Variants in APBB1IP observed in about 807,000 individuals in gnomAD.
The protein encoded by APBB1IP is amyloid beta A4 precursor protein-binding family B member 1-interacting protein.
APBB1IP carries 27 observed loss-of-function variants against 64.9 expected under a neutral mutation model. That is an observed-to-expected ratio of 0.42 (90% confidence interval 0.31 to 0.57). APBB1IP has a LOEUF of 0.57. Among genes scored for constraint, APBB1IP ranks in the 20% least tolerant of loss-of-function variants. The pLI is 0.20. For missense variants in APBB1IP, 812 were observed against 845.5 expected (o/e 0.96, Z 0.49); for synonymous variants, 392 against 331.0 (o/e 1.18, Z -2.00).
At chr10:26,532,832 T>C (rs1027091381) in intron 8 of APBB1IP, among the ~76,000 whole-genome samples, 27 of 152,168 alleles carry the variant, frequency 1.8e-4, no homozygotes, top group Non-Finnish European at 4.0e-4. Flanking sequence ...TTTAGGCTGG[T>C]TTTCTTTCCA....
At chr10:26,523,445 G>A (rs745691682) in intron 8 of APBB1IP, among the ~76,000 whole-genome samples, 2 of 152,142 alleles carry the variant, frequency 1.3e-5, no homozygotes, top group Non-Finnish European at 2.9e-5. Flanking sequence ...CTTTTGTTTA[G>A]GGCCTTTGAG....
At chr10:26,517,781 T>C (rs767837069) in intron 8 of APBB1IP, among the ~76,000 whole-genome samples, 2 of 152,236 alleles carry the variant, frequency 1.3e-5, no homozygotes, top group Non-Finnish European at 2.9e-5. Flanking sequence ...ATCCATTGTC[T>C]TGCTGATGGA....
At chr10:26,506,163 C>T (rs1836173343) in intron 6 of APBB1IP, among the ~76,000 whole-genome samples, 2 of 150,242 alleles carry the variant, frequency 1.3e-5, no homozygotes, top group African/African-American at 4.9e-5. Flanking sequence ...CCTTTCCTAT[C>T]TAACACCACA....
chr10:26,559,768 G>A (rs578251733), intron 11 of APBB1IP, among the ~76,000 whole-genome samples: 26 of 151,664 alleles, frequency 1.7e-4, no homozygotes, highest in African/African-American at 2.9e-4. Flanking sequence ...ACAGGCACCC[G>A]CCACCATGCC....
At chr10:26,458,427 A>AAGGGAGGGAGGGATGG (rs1835552722) in intron 2 of APBB1IP, among the ~76,000 whole-genome samples, 8 of 151,054 alleles carry the variant, frequency 5.3e-5, no homozygotes, top group Admixed American at 1.3e-4. Context: ...GGAAGGAAGG[A>AAGGGAGGGAGGGATGG]AGGGAGGGAG....
chr10:26,457,408 A>G (rs867976612), intron 2 of APBB1IP, among the ~76,000 whole-genome samples: 2 of 152,314 alleles, frequency 1.3e-5, no homozygotes, highest in Middle Eastern at 3.4e-3. Context: ...CCAAAGTGCC[A>G]GGATTACAGG....
intron 2 of APBB1IP, among the ~76,000 whole-genome samples, chr10:26,474,095 T>C (rs1835749873): frequency 1.3e-5 from 2 of 151,810 alleles, no homozygotes; most frequent in African/African-American, 2.4e-5. Flanking sequence ...TTTAATGTTC[T>C]CCAGCAATTT....
At chr10:26,509,405 T>C (rs1290370841) in intron 6 of APBB1IP, among the ~76,000 whole-genome samples, 1 of 152,148 alleles carries the variant, frequency 6.6e-6, no homozygotes, top group Non-Finnish European at 1.5e-5. Context: ...CTTGGGGGTG[T>C]TTGTGAATGT....
intron 2 of APBB1IP, among the ~76,000 whole-genome samples, chr10:26,457,687 A>G (rs1336949414): frequency 6.6e-6 from 1 of 152,208 alleles, no homozygotes; most frequent in African/African-American, 2.4e-5. Context: ...AACCACCGGT[A>G]GGGCTGCCTG....
intron 2 of APBB1IP, among the ~76,000 whole-genome samples, chr10:26,484,174 A>G (rs1301927463): frequency 2.0e-5 from 3 of 152,186 alleles, no homozygotes; most frequent in Admixed American, 6.5e-5. Context: ...GAGTTTCTTC[A>G]TTGTATTGAC....
intron 2 of APBB1IP, among the ~76,000 whole-genome samples, chr10:26,480,517 A>G (rs980047499): frequency 6.6e-6 from 1 of 151,706 alleles, no homozygotes; most frequent in African/African-American, 2.4e-5. Context: ...TAAAGGCTGT[A>G]TAAGATGCTG....
chr10:26,565,680 G>A (rs1016221623), intron 14 of APBB1IP, among the ~76,000 whole-genome samples: 13 of 152,210 alleles, frequency 8.5e-5, no homozygotes, highest in African/African-American at 3.1e-4. Context: ...AGGGATGATG[G>A]GAGGAAAAGG....
chr10:26,520,015 G>A (rs1418058705), intron 8 of APBB1IP, among the ~76,000 whole-genome samples: 1 of 152,204 alleles, frequency 6.6e-6, no homozygotes, highest in Non-Finnish European at 1.5e-5. Flanking sequence ...TGGGCACAGT[G>A]GCTCGTGCCT....
chr10:26,493,553 C>T lies in APBB1IP; in HGVS notation c.72+1155C>T, dbSNP rs113953815. ...CATGGCTTCAGCCGGTCCCTCCATT[C>T]GGGGTCCCTGACTTCCCGCAACACC... On this transcript the variant is annotated intron_variant, in intron 3 of 14. Transcript: ENST00000376236. 2.8e-3 allele frequency among the ~76,000 whole-genome samples: 420 copies of T among 152,268 alleles called. 4 individuals are homozygous for T. Among genetic ancestry groups the T allele is most frequent in the African/African-American group, 9.6e-3 (401 of 41,558 alleles).
chr10:26,565,795 T>C (rs556625081), intron 14 of APBB1IP, among the ~76,000 whole-genome samples: 59 of 152,252 alleles, frequency 3.9e-4, no homozygotes, highest in African/African-American at 1.3e-3. Context: ...GGGTGTGGGA[T>C]ATGGGGAAGA....
chr10:26,446,170 G>C (rs1245099925), intron 2 of APBB1IP, among the ~76,000 whole-genome samples: 1 of 152,178 alleles, frequency 6.6e-6, no homozygotes, highest in Non-Finnish European at 1.5e-5. Flanking sequence ...TTAGGTTACT[G>C]ATTAAGTAAA....
At chr10:26,484,178 T>C (rs1835866082) in intron 2 of APBB1IP, among the ~76,000 whole-genome samples, 1 of 152,256 alleles carries the variant, frequency 6.6e-6, no homozygotes. Flanking sequence ...TTCTTCATTG[T>C]ATTGACACTT....
At chr10:26,548,060 A>G (rs941387441) in intron 11 of APBB1IP, among the ~76,000 whole-genome samples, 5 of 152,084 alleles carry the variant, frequency 3.3e-5, no homozygotes, top group Non-Finnish European at 5.9e-5. Flanking sequence ...GTATATTTTG[A>G]AATCAGTTTG....
chr10:26,531,603 C>G (rs932867345), intron 8 of APBB1IP, among the ~76,000 whole-genome samples: 19 of 149,064 alleles, frequency 1.3e-4, no homozygotes, highest in African/African-American at 4.5e-4. Context: ...AGAGGCGGAG[C>G]TTGCAGTGAA....
Sources: gnomAD v4.1 joint callset for allele counts (sites outside exome capture counted in the v4.1 genomes callset) on GRCh38, gnomAD v4.1.1 for gene constraint, MANE v1.5 for transcripts, NCBI Gene and HGNC (gene_info 2026-07-23, HGNC 2026-07-21) for gene names.